WDR25: variants seen among roughly 807,000 people sequenced by gnomAD.
WDR25 encodes the protein WD repeat-containing protein 25.
WDR25 carries 35 observed loss-of-function variants against 47.7 expected under a neutral mutation model. The ratio of observed to expected loss-of-function variants is 0.73; its 90% CI spans 0.56 to 0.97. The LOEUF (loss-of-function observed/expected upper bound fraction) is 0.97. Ranked by LOEUF, WDR25 falls within the 50% of genes least tolerant of loss-of-function variation. The probability of loss-of-function intolerance (pLI) is 0.00; values close to 1 mark genes in which losing one functional copy is unlikely to be tolerated. For missense variants in WDR25, 634 were observed against 704.7 expected (o/e 0.90, Z 1.14); for synonymous variants, 248 against 278.9 (o/e 0.89, Z 1.10).
chr14:100,511,321 G>C (rs985563358), intron 4 of WDR25, among the ~76,000 whole-genome samples: 1 of 152,044 alleles, frequency 6.6e-6, no homozygotes, highest in African/African-American at 2.4e-5. Flanking sequence ...TTCAGCTTCT[G>C]GTTGCTCATG....
At chr14:100,376,874 C>T (rs1896700275) in intron 1 of WDR25, 3 of 643,974 alleles carry the variant, frequency 4.7e-6, no homozygotes, top group East Asian at 4.7e-5. Context: ...TAGCATCTCC[C>T]CCTCCCACCC....
intron 4 of WDR25, among the ~76,000 whole-genome samples, chr14:100,490,543 C>T (rs1315127338): frequency 2.0e-5 from 3 of 152,344 alleles, no homozygotes; most frequent in East Asian, 1.9e-4. Context: ...ATCTAGGGCA[C>T]GGGCCAGAGC....
chr14:100,386,149 GA>G (rs984342165), intron 2 of WDR25, among the ~76,000 whole-genome samples: 1 of 151,690 alleles, frequency 6.6e-6, no homozygotes, highest in Non-Finnish European at 1.5e-5. Context: ...AAAATACTTT[GA>G]AAAAAAACCT....
intron 4 of WDR25, among the ~76,000 whole-genome samples, chr14:100,514,441 A>G (rs944724744): frequency 6.6e-6 from 1 of 151,034 alleles, no homozygotes; most frequent in African/African-American, 2.4e-5. Context: ...TATTTGTTCC[A>G]TCTCTTCTCC....
intron 2 of WDR25, among the ~76,000 whole-genome samples, chr14:100,429,249 T>C (rs768921435): frequency 1.3e-5 from 2 of 152,128 alleles, no homozygotes; most frequent in Non-Finnish European, 2.9e-5. Context: ...TCTCGTTTCC[T>C]TGGGAGATGG....
intron 4 of WDR25, among the ~76,000 whole-genome samples, chr14:100,511,743 G>A (rs1901318793): frequency 6.6e-6 from 1 of 152,084 alleles, no homozygotes; most frequent in Admixed American, 6.6e-5. Flanking sequence ...TAGTTGTTTT[G>A]TACATGTCCC....
chr14:100,436,307 G>T (rs932413131), intron 2 of WDR25, among the ~76,000 whole-genome samples: 2 of 152,182 alleles, frequency 1.3e-5, no homozygotes, highest in African/African-American at 4.8e-5. Context: ...ACCTGGGCCC[G>T]CCTTTTCACC....
At chr14:100,516,529 T>G (rs1901501316) in intron 4 of WDR25, among the ~76,000 whole-genome samples, 1 of 152,240 alleles carries the variant, frequency 6.6e-6, no homozygotes, top group South Asian at 2.1e-4. Context: ...TTTTGCTTCA[T>G]GTATTTTGAA....
intron 1 of WDR25, among the ~76,000 whole-genome samples, chr14:100,379,540 A>G (rs1896822027): frequency 1.3e-5 from 2 of 151,708 alleles, no homozygotes; most frequent in African/African-American, 4.8e-5. Context: ...GGCGCCTGCC[A>G]CCATGTCCGG....
At chr14:100,399,498 T>A (rs1308191763) in intron 2 of WDR25, among the ~76,000 whole-genome samples, 2 of 152,144 alleles carry the variant, frequency 1.3e-5, no homozygotes, top group African/African-American at 4.8e-5. Context: ...TCCGCCTGCC[T>A]TTTCTCCTTT....
intron 2 of WDR25, among the ~76,000 whole-genome samples, chr14:100,400,035 A>G (rs986868945): frequency 3.9e-5 from 6 of 152,216 alleles, no homozygotes; most frequent in Admixed American, 6.5e-5. Context: ...CTTGGGGGAA[A>G]GAGAAGTACA....
chr14:100,515,770 C>T (rs868655957), intron 4 of WDR25, among the ~76,000 whole-genome samples: 4 of 148,274 alleles, frequency 2.7e-5, no homozygotes, highest in African/African-American at 1.0e-4. Flanking sequence ...GAATTACAGG[C>T]GCATGCCACC....
chr14:100,447,345 T>C (rs1270469354), intron 2 of WDR25, among the ~76,000 whole-genome samples: 1 of 152,232 alleles, frequency 6.6e-6, no homozygotes, highest in Non-Finnish European at 1.5e-5. Context: ...GACACCAACC[T>C]GGAGCCCACA....
chr14:100,409,189 C>T (rs1897633526), intron 2 of WDR25, among the ~76,000 whole-genome samples: 1 of 152,188 alleles, frequency 6.6e-6, no homozygotes, highest in African/African-American at 2.4e-5. Context: ...ACAGGGCTGC[C>T]TTTGAGCTTA....
intron 2 of WDR25, among the ~76,000 whole-genome samples, chr14:100,444,562 C>T (rs1362637789): frequency 6.6e-6 from 1 of 151,672 alleles, no homozygotes; most frequent in African/African-American, 2.4e-5. Flanking sequence ...CCCCAGGCCC[C>T]AGGCCCCAGG....
In WDR25 at chr14:100,525,792, TG is replaced by T; in HGVS notation, c.1102-75del. 1 of 1,550,578 alleles carries T rather than the reference TG, an allele frequency of 6.4e-7. No homozygotes were observed. The highest frequency in any genetic ancestry group is 8.7e-7 in the Non-Finnish European group (1 of 1,145,934). ...AACTTCACTAAACCTGCCTGCCCCCTGGGTCCTTGGCCTTCCCTGCATAGGC... is the reference window on the plus strand; with the variant it reads ...AACTTCACTAAACCTGCCTGCCCCCTGGTCCTTGGCCTTCCCTGCATAGGC... On this transcript the variant is annotated intron_variant, in intron 4 of 6. Transcript: ENST00000402312. The surrounding 1 kb of genome is among the most constrained non-coding windows in gnomAD (Gnocchi z 4.6).
In WDR25 at chr14:100,529,238, G is replaced by T. The variant is rs1048900770; in HGVS notation, c.1413+30G>T. 1 of 1,611,938 alleles carries T rather than the reference G, an allele frequency of 6.2e-7. No homozygotes were observed. Among genetic ancestry groups the T allele is most frequent in the Non-Finnish European group, 8.5e-7 (1 of 1,179,558 alleles). ...TTCTGTCCTTGTCCCCCAGGCGAAT[G>T]CTGAGCCCCAGCCCCAAGCCTCCTG... On this transcript the variant is annotated intron_variant, in intron 6 of 6. Transcript: ENST00000402312. The surrounding 1 kb of genome is among the most constrained non-coding windows in gnomAD (Gnocchi z 5.1).
At chr14:100,406,084 C>T (rs746239204) in intron 2 of WDR25, among the ~76,000 whole-genome samples, 46 of 152,098 alleles carry the variant, frequency 3.0e-4, no homozygotes, top group Non-Finnish European at 5.7e-4. Context: ...TACAGGCTCC[C>T]CAAGGCTTAG....
At chr14:100,496,773 A>C (rs1028730405) in intron 4 of WDR25, among the ~76,000 whole-genome samples, 4 of 147,030 alleles carry the variant, frequency 2.7e-5, no homozygotes, top group Non-Finnish European at 6.0e-5. Flanking sequence ...GTTTCCAAGC[A>C]TGTGGAAACA....
Sources: allele counts gnomAD v4.1 joint callset (sites outside exome capture counted in the v4.1 genomes callset), GRCh38; gene constraint gnomAD v4.1.1; non-coding constraint Gnocchi (gnomAD v3.1); transcripts MANE v1.5; gene names NCBI Gene and HGNC (gene_info 2026-07-23, HGNC 2026-07-21).